CUBN: variants seen among roughly 807,000 people sequenced by gnomAD.
CUBN encodes cubilin.
A neutral mutation model predicts 405.3 loss-of-function variants in CUBN; 282 were observed. That is an observed-to-expected ratio of 0.70 (90% CI 0.63 to 0.77). The LOEUF is 0.77. CUBN is among the 30% of genes least tolerant of loss of function. The pLI is 0.00. For synonymous variants in CUBN, 1,684 were observed against 1,617.0 expected (o/e 1.04, Z -0.99); for missense variants, 4,514 against 4,475.2 (o/e 1.01, Z -0.25).
chr10:17,095,345 AT>A (rs1229301999), intron 14 of CUBN, among the ~76,000 whole-genome samples: 2 of 152,040 alleles, frequency 1.3e-5, no homozygotes, highest in African/African-American at 4.8e-5. Context: ...CTGAGTAGTG[AT>A]TTTTTTGGAT....
chr10:17,115,828 T>A (rs1342038031), intron 6 of CUBN, among the ~76,000 whole-genome samples: 2 of 152,240 alleles, frequency 1.3e-5, no homozygotes, highest in Non-Finnish European at 2.9e-5. Context: ...TATTATCTGG[T>A]AAGCCTAGCA....
chr10:17,066,675 G>T (rs951939686), intron 21 of CUBN, among the ~76,000 whole-genome samples: 1 of 152,060 alleles, frequency 6.6e-6, no homozygotes, highest in African/African-American at 2.4e-5. Flanking sequence ...GTATTTTGCA[G>T]TGGTGATGTG....
At chr10:16,831,460 T>C in intron 64 of CUBN, 43 bp from the exon 65 acceptor site, 2 of 1,524,204 alleles carry the variant, frequency 1.3e-6, no homozygotes, top group Non-Finnish European at 1.8e-6. Flanking sequence ...CACTTTCTTC[T>C]CTAAGGTATA....
At chr10:16,835,898 A>T (rs886748040) in intron 63 of CUBN, among the ~76,000 whole-genome samples, 1 of 151,964 alleles carries the variant, frequency 6.6e-6, no homozygotes, top group South Asian at 2.1e-4. Context: ...GTAAATAAAC[A>T]TATATATTTC....
At chr10:16,970,811 T>A (rs1003830721) in intron 31 of CUBN, among the ~76,000 whole-genome samples, 5 of 152,168 alleles carry the variant, frequency 3.3e-5, no homozygotes, top group African/African-American at 1.2e-4. Flanking sequence ...TTTTATTTTT[T>A]AATTAATTTT....
chr10:16,840,687 G>T, intron 61 of CUBN, 152 bp from the exon 62 acceptor site: 1 of 883,492 alleles, frequency 1.1e-6, no homozygotes, highest in Non-Finnish European at 1.8e-6. Context: ...CTTGACTAAA[G>T]ATTGTATCAA....
Position 17,068,586 on chromosome 10 carries a change from A to G in CUBN, c.2791+19T>C, listed in dbSNP as rs751642650. ...TACAAGCCCAAGAGGAGGAAAAAAA[A>G]AAGGGAACAGTCTCTTACCCAAATC... On this transcript the variant is annotated intron_variant, in intron 20 of 66. Coordinates refer to ENST00000377833, the MANE Select transcript of CUBN (RefSeq NM_001081.4). 20 of 1,596,036 alleles carry G rather than the reference A, an allele frequency of 1.3e-5. No individual in the cohort carries two copies. Among genetic ancestry groups the G allele is most frequent in the Non-Finnish European group, 1.6e-5 (19 of 1,166,688 alleles).
chr10:17,026,341 G>C (rs1044750441), intron 27 of CUBN, among the ~76,000 whole-genome samples: 10 of 152,146 alleles, frequency 6.6e-5, no homozygotes, highest in Admixed American at 6.5e-4. Flanking sequence ...TGCAAAGCAA[G>C]AATCACAGAG....
chr10:17,100,316 G>T, intron 13 of CUBN, 77 bp from the exon 14 acceptor site: 1 of 965,036 alleles, frequency 1.0e-6, no homozygotes, highest in Non-Finnish European at 1.6e-6. Flanking sequence ...TTCCTAGGCA[G>T]CATTCATACT....
intron 58 of CUBN, among the ~76,000 whole-genome samples, chr10:16,873,939 A>G (rs1840429649): frequency 6.6e-6 from 1 of 152,156 alleles, no homozygotes; most frequent in South Asian, 2.1e-4. Flanking sequence ...TCTAGAATCT[A>G]TATATACCTC....
At chr10:16,971,012 A>T (rs1050839521) in intron 31 of CUBN, among the ~76,000 whole-genome samples, 2 of 152,080 alleles carry the variant, frequency 1.3e-5, no homozygotes, top group African/African-American at 4.8e-5. Flanking sequence ...TAACAACCCA[A>T]ATTGTTATAG....
intron 64 of CUBN, among the ~76,000 whole-genome samples, chr10:16,834,177 C>G (rs571371497): frequency 6.6e-6 from 1 of 152,296 alleles, no homozygotes; most frequent in African/African-American, 2.4e-5. Context: ...GTTCCACACA[C>G]TGGGTCCACA....
At chr10:16,866,846 C>T (rs1464542329) in intron 59 of CUBN, among the ~76,000 whole-genome samples, 5 of 152,066 alleles carry the variant, frequency 3.3e-5, no homozygotes, top group Admixed American at 1.3e-4. Flanking sequence ...GCAGAAGTTC[C>T]GAGGAAAAAG....
At chr10:16,934,308 G>A (rs1281885956) in intron 39 of CUBN, among the ~76,000 whole-genome samples, 1 of 152,158 alleles carries the variant, frequency 6.6e-6, no homozygotes, top group Non-Finnish European at 1.5e-5. Context: ...TCACTTTTAT[G>A]TAGCAATATA....
chr10:17,107,895 A>C (rs557503814), intron 10 of CUBN, among the ~76,000 whole-genome samples: 1 of 152,324 alleles, frequency 6.6e-6, no homozygotes, highest in South Asian at 2.1e-4. Context: ...ATAATTGCCT[A>C]GAAATGCATT....
In CUBN at chr10:16,836,217, T is replaced by A. The variant is rs1392087740; in HGVS notation, c.10180+18A>T. The stretch of plus-strand genomic sequence containing the variant: ...GATGGCAGCTTTTTTGAATAAAAGA[T>A]GAAGTTCCTGGCCTCACCTGCAATC... On this transcript the variant is annotated intron_variant, in intron 63 of 66. Transcript: ENST00000377833. The A allele has an allele frequency of 6.2e-7, 1 of 1,608,260 alleles. No individual in the cohort carries two copies. Among genetic ancestry groups the A allele is most frequent in the Non-Finnish European group, 8.5e-7 (1 of 1,174,640 alleles).
In CUBN at chr10:16,906,206, C is replaced by T. The variant is rs1841549348; in HGVS notation, c.7909G>A (p.Val2637Met). The part of the protein sequence containing the change: ...DCQFDVLEFR[V>M]GDADGPLMWR... ...CGCATTCTTAGATAGAACTCACCCA[C>T]TCGAAACTCGAGGACATCAAATTGA... Residue 2637 changes from valine to methionine, a missense_variant, in exon 50 of 67, where the codon GTG (valine) becomes ATG (methionine). Val to Met is a conservative substitution (Grantham distance 21). Transcript: ENST00000377833. 6.2e-7 allele frequency: 1 copy of T among 1,610,434 alleles called. No individual in the cohort carries two copies. The highest frequency in any genetic ancestry group is 8.5e-7 in the Non-Finnish European group (1 of 1,176,808).
At chr10:17,019,727 T>C in intron 28 of CUBN, 106 bp downstream of exon 28, 1 of 1,325,276 alleles carries the variant, frequency 7.5e-7, no homozygotes, top group Non-Finnish European at 1.1e-6. Flanking sequence ...ACTACCTGGG[T>C]TCCATTATTT....
chr10:16,942,072 G>C (rs1225341681), intron 36 of CUBN, among the ~76,000 whole-genome samples: 1 of 152,128 alleles, frequency 6.6e-6, no homozygotes, highest in Non-Finnish European at 1.5e-5. Flanking sequence ...TACTCTGCAT[G>C]ATTAGTCATC....
Sources: allele counts gnomAD v4.1 joint callset (sites outside exome capture counted in the v4.1 genomes callset), GRCh38; gene constraint gnomAD v4.1.1; transcripts MANE v1.5; gene names NCBI Gene and HGNC (gene_info 2026-07-23, HGNC 2026-07-21).